STIM1: variants seen among roughly 807,000 people sequenced by gnomAD.
STIM1 encodes stromal interaction molecule 1.
Under a neutral mutation model 74.7 loss-of-function variants are expected in STIM1, and 25 were observed. The ratio of observed to expected loss-of-function variants is 0.33; its 90% CI spans 0.24 to 0.47. The LOEUF (loss-of-function observed/expected upper bound fraction) is 0.47, where lower values mean the gene tolerates loss of function less well. STIM1 is among the 20% of genes least tolerant of loss of function. The probability of loss-of-function intolerance (pLI) is 1.00; values close to 1 mark genes in which losing one functional copy is unlikely to be tolerated. For synonymous variants in STIM1, 328 were observed against 348.8 expected, an observed-to-expected ratio of 0.94 and a Z score of 0.66; for missense variants, 728 against 920.8, an observed-to-expected ratio of 0.79 and a Z score of 2.71.
At chr11:4,015,127 G>C (rs1347322874) in intron 2 of STIM1, among the ~76,000 whole-genome samples, 1 of 152,284 alleles carries the variant, frequency 6.6e-6, no homozygotes, top group East Asian at 1.9e-4. Flanking sequence ...ATTAATTGAT[G>C]CAGTTTCTTC....
chr11:4,081,974 G>A (rs1289149726), intron 7 of STIM1, among the ~76,000 whole-genome samples: 1 of 152,158 alleles, frequency 6.6e-6, no homozygotes, highest in Admixed American at 6.5e-5. Flanking sequence ...TCTCAATTTG[G>A]GTTCTGGTTG....
intron 1 of STIM1, among the ~76,000 whole-genome samples, chr11:3,856,832 G>A (rs559990554): frequency 6.6e-6 from 1 of 152,282 alleles, no homozygotes; most frequent in Admixed American, 6.5e-5. Context: ...TTAAGGCTGG[G>A]CCACCTCTGT....
chr11:4,028,729 T>G (rs555172780), intron 3 of STIM1, among the ~76,000 whole-genome samples: 10 of 152,268 alleles, frequency 6.6e-5, no homozygotes, highest in African/African-American at 2.4e-4. Context: ...TAAGTGGTAA[T>G]TTCTTTCCTC....
intron 1 of STIM1, among the ~76,000 whole-genome samples, chr11:3,938,637 A>G (rs1195722579): frequency 6.6e-6 from 1 of 152,180 alleles, no homozygotes; most frequent in African/African-American, 2.4e-5. Context: ...ACCTGAGGTC[A>G]GGAGTTTGAG....
intron 12 of STIM1, among the ~76,000 whole-genome samples, chr11:4,089,331 TAGAG>T (rs1554971925): frequency 6.6e-6 from 1 of 152,098 alleles, no homozygotes; most frequent in Non-Finnish European, 1.5e-5. Context: ...TCCTTGGTGT[TAGAG>T]AGGGTAGGAT....
intron 1 of STIM1, among the ~76,000 whole-genome samples, chr11:3,863,497 A>T (rs760790971): frequency 4.3e-4 from 65 of 152,080 alleles, no homozygotes; most frequent in Non-Finnish European, 7.9e-4. Context: ...GACTCAAGGG[A>T]TCTTCCCAGC....
intron 1 of STIM1, among the ~76,000 whole-genome samples, chr11:3,862,961 C>T (rs141209236): frequency 0.019 from 2,904 of 152,128 alleles, 88 homozygotes; most frequent in African/African-American, 0.065. Flanking sequence ...GGCGCCATCT[C>T]GGCTCACTGC....
intron 11 of STIM1, 35 bp from the exon 12 acceptor site, chr11:4,086,442 G>GACACCT: frequency 1.2e-6 from 2 of 1,611,322 alleles, no homozygotes; most frequent in African/African-American, 1.3e-5. Context: ...AAAGTGGGCT[G>GACACCT]GCCCCTCCTG....
intron 1 of STIM1, among the ~76,000 whole-genome samples, chr11:3,939,236 AAG>A (rs1336889433): frequency 6.6e-6 from 1 of 152,204 alleles, no homozygotes; most frequent in Admixed American, 6.5e-5. Context: ...GTTATGATGG[AAG>A]AGAGAGGAGA....
At chr11:4,088,989 T>A (rs528942060) in intron 12 of STIM1, 17 of 430,586 alleles carry the variant, frequency 3.9e-5, no homozygotes, top group African/African-American at 3.4e-4. Context: ...CCTAGCACTT[T>A]GGGAGGCCGA....
At chr11:3,983,524 C>G (rs977658193) in intron 2 of STIM1, among the ~76,000 whole-genome samples, 3 of 152,128 alleles carry the variant, frequency 2.0e-5, no homozygotes, top group Non-Finnish European at 2.9e-5. Flanking sequence ...GTGGGACAAC[C>G]CTGGTGGCAA....
rs7123786 is a variant in STIM1 at position 3,975,436 on chromosome 11, G to T, written c.270+7754G>T. 4.1e-3 allele frequency among the ~76,000 whole-genome samples: 626 copies of T among 152,272 alleles called. 5 individuals are homozygous for T. Among genetic ancestry groups the T allele is most frequent in the African/African-American group, 0.014 (596 of 41,544 alleles). ...GTTTGAGACCAGCTTGGCCAACATG[G>T]CAAAACCCTCTCTGTACTAAAAATA... is the stretch of plus-strand genomic sequence containing the variant. On this transcript the variant is annotated intron_variant, in intron 2 of 12. Coordinates refer to ENST00000526596, the MANE Select transcript of STIM1 (RefSeq NM_001382567.1).
At chr11:3,959,902 T>G (rs2093266991) in intron 1 of STIM1, among the ~76,000 whole-genome samples, 1 of 152,146 alleles carries the variant, frequency 6.6e-6, no homozygotes, top group African/African-American at 2.4e-5. Context: ...TTAACACAAA[T>G]CAAACCAGTG....
chr11:3,900,844 G>T (rs1352701652), intron 1 of STIM1, among the ~76,000 whole-genome samples: 2 of 152,102 alleles, frequency 1.3e-5, no homozygotes, highest in African/African-American at 4.8e-5. Context: ...CCAAAGTGTT[G>T]GGATTACAGG....
At chr11:4,027,751 G>A (rs952972199) in intron 3 of STIM1, among the ~76,000 whole-genome samples, 4 of 152,290 alleles carry the variant, frequency 2.6e-5, no homozygotes, top group Admixed American at 1.3e-4. Context: ...TTTAAATAGG[G>A]TGTTGATGGT....
chr11:3,901,007 A>G (rs1328796576), intron 1 of STIM1, among the ~76,000 whole-genome samples: 1 of 152,252 alleles, frequency 6.6e-6, no homozygotes, highest in African/African-American at 2.4e-5. Context: ...CCTGGCCAAC[A>G]TGGCGAAACC....
chr11:3,900,514 C>T (rs2092320718), intron 1 of STIM1, among the ~76,000 whole-genome samples: 2 of 152,192 alleles, frequency 1.3e-5, no homozygotes, highest in African/African-American at 4.8e-5. Flanking sequence ...CAGAAATCAC[C>T]ATCTTCTGCA....
intron 1 of STIM1, among the ~76,000 whole-genome samples, chr11:3,901,987 C>T (rs917892084): frequency 2.6e-5 from 4 of 152,268 alleles, no homozygotes; most frequent in South Asian, 2.1e-4. Flanking sequence ...AGGCTGGTCT[C>T]GAACTCGTGA....
chr11:3,990,040 A>G (rs1026611331), intron 2 of STIM1, among the ~76,000 whole-genome samples: 117 of 152,312 alleles, frequency 7.7e-4, no homozygotes, highest in African/African-American at 2.8e-3. Flanking sequence ...CGCATTAGCT[A>G]TTGTTCTCTC....
Sources: allele counts gnomAD v4.1 joint callset (sites outside exome capture counted in the v4.1 genomes callset), GRCh38; gene constraint gnomAD v4.1.1; transcripts MANE v1.5; gene names NCBI Gene and HGNC (gene_info 2026-07-23, HGNC 2026-07-21).